The following NOX4 variants were observed in gnomAD, a reference collection of about 807,000 sequenced individuals.
NOX4 encodes NADPH oxidase 4.
A neutral mutation model predicts 87.6 loss-of-function variants in NOX4; 69 were observed. That is an observed-to-expected ratio of 0.79 (90% CI 0.65 to 0.96). The LOEUF (loss-of-function observed/expected upper bound fraction) is 0.96. NOX4 is among the 40% of genes least tolerant of loss of function. The pLI, the probability that NOX4 is intolerant of heterozygous loss-of-function variation, is 0.00. For synonymous variants in NOX4, 275 were observed against 238.2 expected, an observed-to-expected ratio of 1.15 and a Z score of -1.42; for missense variants, 680 against 681.5, an observed-to-expected ratio of 1.00 and a Z score of 0.02.
At chr11:89,415,759 G>A (rs1942733613) in intron 8 of NOX4, among the ~76,000 whole-genome samples, 1 of 152,050 alleles carries the variant, frequency 6.6e-6, no homozygotes, top group Non-Finnish European at 1.5e-5. Context: ...AACTGATAAC[G>A]AGTATGCCAG....
the NOX4 span, among the ~76,000 whole-genome samples, chr11:89,543,412 GTTGATTATA>G: frequency 6.6e-6 from 1 of 152,022 alleles, no homozygotes; most frequent in Admixed American, 6.6e-5. Flanking sequence ...TAAACAACAT[GTTGATTATA>G]TTTATCAGTT....
At chr11:89,341,747 T>C (rs1396565930) in intron 14 of NOX4, among the ~76,000 whole-genome samples, 1 of 152,168 alleles carries the variant, frequency 6.6e-6, no homozygotes, top group Non-Finnish European at 1.5e-5. Flanking sequence ...TGTTCAAAAA[T>C]ATTTGTTGAC....
rs533547097 is a variant in NOX4 at position 89,340,141 on chromosome 11, T to C, written c.1368A>G (p.Arg456=). 2 of 1,594,070 alleles carry C rather than the reference T, an allele frequency of 1.3e-6. No homozygotes were observed. Among genetic ancestry groups the C allele is most frequent in the African/African-American group, 1.4e-5 (1 of 73,418 alleles). The change falls in exon 15 of 18, where the codon AGA becomes AGG. Residue 456 remains arginine, a synonymous_variant. Transcript: ENST00000263317. ...CTCTGCATACCCAAATAAAGTATAG[T>C]CTTCTAAGCTTGTATGGTTTCCAGT... The part of the protein sequence containing the change: ...LDDWKPYKLR[R]LYFIWVCRDI...
intron 17 of NOX4, among the ~76,000 whole-genome samples, chr11:89,328,813 G>A (rs1361590005): frequency 6.6e-6 from 1 of 152,004 alleles, no homozygotes; most frequent in Non-Finnish European, 1.5e-5. Flanking sequence ...TCTGAATGGT[G>A]TACTTATAAG....
chr11:89,415,809 G>C (rs1014367379), intron 8 of NOX4, among the ~76,000 whole-genome samples: 21 of 152,144 alleles, frequency 1.4e-4, no homozygotes, highest in African/African-American at 4.3e-4. Context: ...ATTAGAACAG[G>C]TCATCTATAT....
chr11:89,491,983 G>T (rs889640663), upstream of NOX4: 1 of 151,874 alleles, frequency 6.6e-6, no homozygotes, highest in Non-Finnish European at 1.5e-5. Context: ...CCCCTTGCCC[G>T]CCCATCCCAT....
At chr11:89,533,470 T>C in the NOX4 span, among the ~76,000 whole-genome samples, 4 of 151,862 alleles carry the variant, frequency 2.6e-5, no homozygotes, top group East Asian at 5.8e-4. Flanking sequence ...TTACATGACA[T>C]AAGGTCATCT....
chr11:89,522,320 T>C, the NOX4 span, among the ~76,000 whole-genome samples: 1 of 152,136 alleles, frequency 6.6e-6, no homozygotes, highest in Non-Finnish European at 1.5e-5. Context: ...CACCATCAAA[T>C]ACTATGCAGC....
chr11:89,432,226 G>T (rs951232086), intron 7 of NOX4, among the ~76,000 whole-genome samples: 1 of 151,994 alleles, frequency 6.6e-6, no homozygotes, highest in East Asian at 1.9e-4. Flanking sequence ...GGGAGGGACA[G>T]CATTAGGAGA....
chr11:89,368,059 T>G (rs1443415874), intron 12 of NOX4, among the ~76,000 whole-genome samples: 1 of 152,066 alleles, frequency 6.6e-6, no homozygotes, highest in Non-Finnish European at 1.5e-5. Flanking sequence ...TCTCCAGCAA[T>G]ATAAAACTTC....
chr11:89,368,134 T>C (rs1939152515), intron 12 of NOX4, among the ~76,000 whole-genome samples: 1 of 151,768 alleles, frequency 6.6e-6, no homozygotes, highest in South Asian at 2.1e-4. Flanking sequence ...AATTAGTATA[T>C]TGTTATAATT....
the NOX4 span, among the ~76,000 whole-genome samples, chr11:89,555,705 C>T: frequency 6.6e-6 from 1 of 151,988 alleles, no homozygotes; most frequent in African/African-American, 2.4e-5. Flanking sequence ...ACCATGGACA[C>T]CATTTGAAAC....
chr11:89,565,135 A>T, the NOX4 span, among the ~76,000 whole-genome samples: 1 of 152,166 alleles, frequency 6.6e-6, no homozygotes, highest in Non-Finnish European at 1.5e-5. Flanking sequence ...CTATTCATGA[A>T]CATATATTCT....
intron 13 of NOX4, among the ~76,000 whole-genome samples, chr11:89,343,478 C>T (rs768529563): frequency 3.4e-5 from 5 of 147,490 alleles, no homozygotes; most frequent in Non-Finnish European, 6.0e-5. Flanking sequence ...TTTTTTTGTA[C>T]CAGGAGAGAG....
chr11:89,436,181 A>G (rs982626268), intron 6 of NOX4, among the ~76,000 whole-genome samples: 2 of 152,220 alleles, frequency 1.3e-5, no homozygotes, highest in Non-Finnish European at 2.9e-5. Flanking sequence ...AAAAATTCCC[A>G]GTCCACTGGT....
chr11:89,369,104 C>A (rs1365634395), intron 12 of NOX4, among the ~76,000 whole-genome samples: 1 of 152,046 alleles, frequency 6.6e-6, no homozygotes, highest in Non-Finnish European at 1.5e-5. Flanking sequence ...TTATTCAGGG[C>A]TCTGTTCAGA....
At chr11:89,347,733 A>G (rs372504430) in intron 13 of NOX4, among the ~76,000 whole-genome samples, 1 of 152,072 alleles carries the variant, frequency 6.6e-6, no homozygotes, top group Non-Finnish European at 1.5e-5. Flanking sequence ...TCTGTTAATT[A>G]TGCCTCCGAA....
chr11:89,405,879 G>C (rs989125658), intron 8 of NOX4, among the ~76,000 whole-genome samples: 1 of 151,926 alleles, frequency 6.6e-6, no homozygotes, highest in African/African-American at 2.4e-5. Context: ...TGATTCCAAA[G>C]TCTGTGCTCC....
chr11:89,423,587 T>G (rs1943206961), intron 7 of NOX4, among the ~76,000 whole-genome samples: 1 of 152,108 alleles, frequency 6.6e-6, no homozygotes. Flanking sequence ...GTTACTGAAG[T>G]TTAATTATTT....
Sources: allele counts gnomAD v4.1 joint callset (sites outside exome capture counted in the v4.1 genomes callset), GRCh38; gene constraint gnomAD v4.1.1; transcripts MANE v1.5; gene names NCBI Gene and HGNC (gene_info 2026-07-23, HGNC 2026-07-21).